The following CNBD2 variants were observed in gnomAD, a reference collection of about 807,000 sequenced individuals.
CNBD2 encodes cyclic nucleotide binding domain containing 2.
CNBD2 carries 64 observed loss-of-function variants against 63.7 expected under a neutral mutation model. The ratio of observed to expected loss-of-function variants is 1.00; its 90% CI spans 0.82 to 1.24. CNBD2 has a LOEUF of 1.24. Ranked by LOEUF, CNBD2 falls within the 50% of genes most tolerant of loss-of-function variation. CNBD2 has a pLI of 0.00. For synonymous variants in CNBD2, 229 were observed against 255.4 expected, an observed-to-expected ratio of 0.90 and a Z score of 0.99; for missense variants, 691 against 713.5, an observed-to-expected ratio of 0.97 and a Z score of 0.36.
chr20:36,003,760 G>C (rs2056947390), intron 8 of CNBD2, among the ~76,000 whole-genome samples: 1 of 152,056 alleles, frequency 6.6e-6, no homozygotes, highest in South Asian at 2.1e-4. Flanking sequence ...AGCTTAGTTT[G>C]GTGCTTCTGA....
rs2056684451 is a variant in CNBD2 at position 35,987,491 on chromosome 20, A to C, written c.813A>C (p.Ser271=). ...GGTTCTCGTATGGGCAGCTGATCTC[A>C]AAAGATTTTGGAGAGTCACCCTTCA... ...IERFSYGQLI[S]KDFGESPFIM... is the part of the protein sequence containing the mutation. Residue 271 remains serine, a synonymous_variant, in exon 7 of 12, where the codon TCA becomes TCC. Coordinates refer to ENST00000373973, the MANE Select transcript of CNBD2 (RefSeq NM_001365709.1). The C allele has an allele frequency of 5.6e-6, 9 of 1,614,054 alleles. No individual in the cohort carries two copies. The highest frequency in any genetic ancestry group is 1.3e-5 in the African/African-American group (1 of 74,926).
At chr20:36,028,512 A>C (rs1364470499) in intron 11 of CNBD2, among the ~76,000 whole-genome samples, 1 of 152,164 alleles carries the variant, frequency 6.6e-6, no homozygotes, top group Non-Finnish European at 1.5e-5. Flanking sequence ...GGTTATCCTG[A>C]AAATCACCCC....
intron 8 of CNBD2, among the ~76,000 whole-genome samples, chr20:36,005,089 A>G (rs2056966085): frequency 6.6e-6 from 1 of 152,190 alleles, no homozygotes; most frequent in Non-Finnish European, 1.5e-5. Context: ...CTACTGTGGC[A>G]GATTTCCTGG....
At chr20:36,020,176 G>A (rs954768250) in intron 10 of CNBD2, among the ~76,000 whole-genome samples, 1 of 151,918 alleles carries the variant, frequency 6.6e-6, no homozygotes, top group Non-Finnish European at 1.5e-5. Context: ...TCCGCCTCCC[G>A]AGTTTATGCC....
At chr20:36,017,117 T>C (rs1408181478) in intron 10 of CNBD2, among the ~76,000 whole-genome samples, 1 of 150,802 alleles carries the variant, frequency 6.6e-6, no homozygotes, top group Non-Finnish European at 1.5e-5. Flanking sequence ...TGACCACGCT[T>C]GGCTATGAGC....
intron 8 of CNBD2, among the ~76,000 whole-genome samples, chr20:35,997,152 C>A (rs748515725): frequency 1.3e-5 from 2 of 152,028 alleles, no homozygotes; most frequent in African/African-American, 4.8e-5. Flanking sequence ...TTGTGTCACC[C>A]ACTTGGGTCA....
At chr20:35,994,267 A>AT (rs2056790098) in intron 7 of CNBD2, among the ~76,000 whole-genome samples, 1 of 151,550 alleles carries the variant, frequency 6.6e-6, no homozygotes, top group African/African-American at 2.4e-5. Flanking sequence ...GTTTATCCAT[A>AT]TTGGTCAGGC....
intron 10 of CNBD2, among the ~76,000 whole-genome samples, chr20:36,017,353 C>T (rs2057149082): frequency 6.6e-6 from 1 of 152,130 alleles, no homozygotes; most frequent in South Asian, 2.1e-4. Flanking sequence ...CTGTCACTAT[C>T]TCCAAGGTTG....
At chr20:36,011,073 T>A in intron 9 of CNBD2, 64 bp from the exon 10 acceptor site, 1 of 1,380,142 alleles carries the variant, frequency 7.2e-7, no homozygotes, top group Non-Finnish European at 9.5e-7. Flanking sequence ...GAGGGCTGAT[T>A]AGCCAGGGCC....
At chr20:35,994,907 C>A in intron 7 of CNBD2, 131 bp from the exon 8 acceptor site, 1 of 607,204 alleles carries the variant, frequency 1.6e-6, no homozygotes, top group Non-Finnish European at 2.9e-6. Context: ...GAAAAAAGAA[C>A]CTGAAACCAC....
At chr20:36,017,190 C>A (rs958738050) in intron 10 of CNBD2, among the ~76,000 whole-genome samples, 2 of 151,898 alleles carry the variant, frequency 1.3e-5, no homozygotes, top group South Asian at 2.1e-4. Flanking sequence ...GAGCAGTGTG[C>A]GGGTGCAGAG....
chr20:36,015,505 G>A (rs574478994), intron 10 of CNBD2, among the ~76,000 whole-genome samples: 1 of 152,216 alleles, frequency 6.6e-6, no homozygotes, highest in African/African-American at 2.4e-5. Context: ...AAGGAACAAG[G>A]GCTCTTTGGA....
rs142185888 is a variant in CNBD2, at chr20:36,004,603, G to A, written c.971-3694G>A. ...TTTTTTTGAGACAGGGTCTCACTCTGTCACCTAGGCTGGAGTGCAGTGACC... is the reference window on the plus strand; with the variant it reads ...TTTTTTTGAGACAGGGTCTCACTCTATCACCTAGGCTGGAGTGCAGTGACC... On this transcript the variant is annotated intron_variant, in intron 8 of 11. Transcript: ENST00000373973. 3.3e-4 allele frequency among the ~76,000 whole-genome samples: 49 copies of A among 150,366 alleles called. 1 individual carries two copies. Among genetic ancestry groups the A allele is most frequent in the African/African-American group, 9.1e-4 (37 of 40,788 alleles).
At chr20:35,996,153 T>C (rs1038428333) in intron 8 of CNBD2, among the ~76,000 whole-genome samples, 3 of 152,252 alleles carry the variant, frequency 2.0e-5, no homozygotes, top group African/African-American at 7.2e-5. Context: ...TTCTGTGTTA[T>C]ATAACCCCAC....
intron 7 of CNBD2, among the ~76,000 whole-genome samples, chr20:35,994,408 A>G (rs943973558): frequency 1.7e-5 from 2 of 121,136 alleles, no homozygotes; most frequent in African/African-American, 3.1e-5. Flanking sequence ...TTGTGTTGCC[A>G]TGTTGGCCAG....
chr20:36,020,314 C>T (rs6142481), intron 10 of CNBD2, among the ~76,000 whole-genome samples: 4,879 of 152,210 alleles, frequency 0.032, 156 homozygotes, highest in South Asian at 0.16. Context: ...ATCTCCTGAC[C>T]TCGTGATCTG....
intron 4 of CNBD2, among the ~76,000 whole-genome samples, chr20:35,982,867 C>A (rs993428280): frequency 6.6e-6 from 1 of 152,010 alleles, no homozygotes; most frequent in African/African-American, 2.4e-5. Flanking sequence ...TGTGCACCCC[C>A]ACATTTGGCT....
At chr20:35,970,338 G>T (rs372327190) in intron 1 of CNBD2, among the ~76,000 whole-genome samples, 1 of 152,040 alleles carries the variant, frequency 6.6e-6, no homozygotes, top group Non-Finnish European at 1.5e-5. Context: ...TCTGTAGTTC[G>T]TTGTCTCACT....
chr20:36,026,607 C>T (rs940086101), intron 11 of CNBD2, among the ~76,000 whole-genome samples: 1 of 152,188 alleles, frequency 6.6e-6, no homozygotes, highest in African/African-American at 2.4e-5. Flanking sequence ...CTCACTCCAG[C>T]AGCCCAGGCG....
Sources: gnomAD v4.1 joint callset for allele counts (sites outside exome capture counted in the v4.1 genomes callset) on GRCh38, gnomAD v4.1.1 for gene constraint, MANE v1.5 for transcripts, NCBI Gene and HGNC (gene_info 2026-07-23, HGNC 2026-07-21) for gene names.